CYP11B2: variants seen among roughly 807,000 people sequenced by gnomAD.
CYP11B2 encodes the protein cytochrome P450 family 11 subfamily B member 2, also known as cytochrome P450 11B2, mitochondrial.
In CYP11B2, 38 loss-of-function variants were observed where a neutral mutation model predicts 49.3. The ratio of observed to expected loss-of-function variants is 0.77; its 90% CI spans 0.59 to 1.01. CYP11B2 has a LOEUF of 1.01. Ranked by LOEUF, CYP11B2 falls within the 50% of genes least tolerant of loss-of-function variation. The pLI is 0.00. For synonymous variants in CYP11B2, 290 were observed against 269.3 expected (o/e 1.08, Z -0.75); for missense variants, 669 against 655.5 (o/e 1.02, Z -0.23).
At position 142,916,461 on chromosome 8, in the gene CYP11B2, C is replaced by T. The variant is rs7461740; in HGVS notation, c.395+598G>A. On this transcript the variant is annotated intron_variant, in intron 2 of 8. Coordinates refer to ENST00000323110, the MANE Select transcript of CYP11B2 (RefSeq NM_000498.3). Reference sequence around the variant, plus strand: ...GCCTCTCCCTGCCCACCTGACCAGGCGCCACCCTCTCCACGGGCCAGGAAA... The same window carrying T: ...GCCTCTCCCTGCCCACCTGACCAGGTGCCACCCTCTCCACGGGCCAGGAAA... 2.6e-5 allele frequency: 12 copies of T among 454,804 alleles called. No homozygotes were observed. The East Asian group carries it at 2.8e-4, about 11-fold the overall frequency. 28.2% of individuals were successfully genotyped at this position (454,804 alleles called of 1,614,324 possible). A position where few individuals can be genotyped will look rare whatever the true frequency, so the allele number is the denominator to read the frequency against.
At position 142,914,088 on chromosome 8, in the gene CYP11B2, C is replaced by T. The variant is rs554327052; in HGVS notation, c.954+176G>A. 1.5e-5 allele frequency: 11 copies of T among 751,292 alleles called. No homozygotes were observed. In the East Asian group the frequency reaches 3.0e-4, roughly 20 times the overall value. The allele number at this position is 751,292 out of a possible 1,614,324, so 46.5% of individuals were successfully genotyped here. On this transcript the variant is annotated intron_variant, in intron 5 of 8. Coordinates refer to ENST00000323110, the MANE Select transcript of CYP11B2 (RefSeq NM_000498.3). Reference sequence around the variant, plus strand: ...CTCATGTGAGGGGGAGCTCACATTTCCCCTCCCCTGCAAATCTCATCCCTT... The same window carrying T: ...CTCATGTGAGGGGGAGCTCACATTTTCCCTCCCCTGCAAATCTCATCCCTT...
chr8:142,912,154 T>C, intron 8 of CYP11B2, 61 bp from the exon 9 acceptor site: 1 of 1,610,642 alleles, frequency 6.2e-7, no homozygotes, highest in Non-Finnish European at 8.5e-7. Context: ...TGGGGCAGCT[T>C]CCTCCCATCG....
chr8:142,911,945 G>A lies in CYP11B2; in HGVS notation c.*35C>T, dbSNP rs745496091. 2 of 1,613,776 alleles carry A rather than the reference G, an allele frequency of 1.2e-6. No homozygotes were observed. The highest frequency in any genetic ancestry group is 8.5e-7 in the Non-Finnish European group (1 of 1,179,812). On this transcript the variant is annotated 3_prime_UTR_variant, in exon 9 of 9. Transcript: ENST00000323110. ...CCTGGGGTCAGGCAGAGGGAAGCTG[G>A]TGGCCAGGCTGGGACCCTGGGTGCA...
In CYP11B2 at chr8:142,912,697, C is replaced by G; in HGVS notation, c.1231G>C (p.Gly411Arg). 6.2e-7 allele frequency: 1 copy of G among 1,614,060 alleles called. No individual in the cohort carries two copies. Among genetic ancestry groups the G allele is most frequent in the Non-Finnish European group, 8.5e-7 (1 of 1,179,966 alleles). ...CTCGGGAACAAGGCGGCATTGCGAC[C>G]CAGCGAGTAGAGGAAAACCTGTACC... is the stretch of plus-strand genomic sequence containing the variant. Reference protein sequence around the residue: ...TLVQVFLYSLGRNAALFPRPE... With the variant: ...TLVQVFLYSLRRNAALFPRPE... The change falls in exon 8 of 9, where the codon GGT becomes CGT. Residue 411 changes from glycine to arginine, a missense_variant. Coordinates refer to ENST00000323110, the MANE Select transcript of CYP11B2 (RefSeq NM_000498.3).
Position 142,914,822 on chromosome 8 carries a change from C to A in CYP11B2, c.682G>T (p.Glu228Ter), listed in dbSNP as rs1817612031. The A allele has an allele frequency of 6.2e-7, 1 of 1,613,608 alleles. No homozygotes were observed. Among genetic ancestry groups the A allele is most frequent in the African/African-American group, 1.3e-5 (1 of 74,622 alleles). ...SASLNFLHAL[E>*]VMFKSTVQLM... ...TGGACGGTGGATTTGAACATGACCT[C>A]CAGGGCATGGAGGAAGTTCAGGCTG... The change falls in exon 4 of 9, where the codon GAG (glutamate) becomes TAG (stop). Residue 228 changes from glutamate (E) to a stop codon, truncating the protein, a stop_gained. Coordinates refer to ENST00000323110, the MANE Select transcript of CYP11B2 (RefSeq NM_000498.3). LOFTEE classifies it high-confidence loss of function.
At position 142,914,778 on chromosome 8, in the gene CYP11B2, C is replaced by A. The variant is rs778544381; in HGVS notation, c.726G>T (p.Arg242Ser). Residue 242 changes from arginine to serine, a missense_variant, in exon 4 of 9, where the codon AGG becomes AGT. Arg to Ser is a moderately radical substitution (Grantham distance 110). Coordinates refer to ENST00000323110, the MANE Select transcript of CYP11B2 (RefSeq NM_000498.3). ...KSTVQLMFMPRSLSRWISPKV... is the reference protein window; with the variant it reads ...KSTVQLMFMPSSLSRWISPKV... ...TGGGGCTGATCCAGCGAGACAGGCT[C>A]CTGGGCATGAACATGAGCTGGACGG... 1.9e-6 allele frequency: 3 copies of A among 1,613,590 alleles called. No homozygotes were observed. Among genetic ancestry groups the A allele is most frequent in the South Asian group, 2.2e-5 (2 of 91,004 alleles).
In CYP11B2 at chr8:142,913,311, C is replaced by A; in HGVS notation, c.1095G>T (p.Leu365=). 1 of 1,613,908 alleles carries A rather than the reference C, an allele frequency of 6.2e-7. No individual in the cohort carries two copies. The highest frequency in any genetic ancestry group is 8.5e-7 in the Non-Finnish European group (1 of 1,180,004). Residue 365 remains leucine (L), a synonymous_variant, in exon 6 of 9, where the codon CTG becomes CTT. Coordinates refer to ENST00000323110, the MANE Select transcript of CYP11B2 (RefSeq NM_000498.3). The part of the protein sequence containing the change: ...PQKATTELPL[L]RAALKETLRL... Reference sequence around the variant, plus strand: ...GCAAGGTCTCCTTGAGGGCCGCCCGCAGCAAGGGCAGCTCGGTGGTTGCCT... The same window carrying A: ...GCAAGGTCTCCTTGAGGGCCGCCCGAAGCAAGGGCAGCTCGGTGGTTGCCT...
intron 2 of CYP11B2, chr8:142,916,392 G>C (rs533064206): frequency 5.9e-4 from 270 of 456,456 alleles, no homozygotes; most frequent in African/African-American, 5.0e-3. Context: ...TCCTTCCCCC[G>C]TCCTAATGAC....
intron 2 of CYP11B2, among the ~76,000 whole-genome samples, chr8:142,915,950 G>A (rs1182318351): frequency 4.6e-5 from 7 of 152,278 alleles, no homozygotes; most frequent in Admixed American, 6.5e-5. Context: ...ACATGCACAC[G>A]TGCGCCCATG....
Position 142,915,229 on chromosome 8 carries a change from G to A in CYP11B2, c.412C>T (p.Arg138Cys), listed in dbSNP as rs777780952. The A allele has an allele frequency of 4.6e-5, 74 of 1,613,036 alleles. 1 individual carries two copies. Among genetic ancestry groups the A allele is most frequent in the South Asian group, 4.3e-4 (39 of 90,716 alleles). The change falls in exon 3 of 9, where the codon CGC becomes TGC. Residue 138 changes from arginine to cysteine, a missense_variant. Transcript: ENST00000323110. ...GGGTTCAGCCGCAATCGGTTGAAGC[G>A]CCATTCAGGCCCATTCCTACAGAGG... is the stretch of plus-strand genomic sequence containing the variant. Reference protein sequence around the residue: ...GVFLLNGPEWRFNRLRLNPDV... With the variant: ...GVFLLNGPEWCFNRLRLNPDV...
At chr8:142,915,471 G>C (rs542245353) in intron 2 of CYP11B2, among the ~76,000 whole-genome samples, 1 of 150,342 alleles carries the variant, frequency 6.7e-6, no homozygotes, top group Non-Finnish European at 1.5e-5. Context: ...GGTAGCTTCT[G>C]CCCACAGGTG....
rs1453326175 is a variant in CYP11B2 at position 142,915,169 on chromosome 8, G to C, written c.472C>G (p.Leu158Val). 1.9e-6 allele frequency: 3 copies of C among 1,614,060 alleles called. No individual in the cohort carries two copies. Among genetic ancestry groups the C allele is most frequent in the East Asian group, 4.5e-5 (2 of 44,884 alleles). The change falls in exon 3 of 9, where the codon CTC becomes GTC. Residue 158 changes from leucine to valine, a missense_variant. By Grantham distance (32) the Leu-to-Val change is conservative. Transcript: ENST00000323110. Reference sequence around the variant, plus strand: ...CTGGCCACTGCATCCACCATCGGGAGGAACCTCTGCACGGCCTTGGGCGAC... The same window carrying C: ...CTGGCCACTGCATCCACCATCGGGACGAACCTCTGCACGGCCTTGGGCGAC... The part of the protein sequence containing the change: ...VLSPKAVQRF[L>V]PMVDAVARDF...
rs776680043 is a variant in CYP11B2, at chr8:142,912,663, C to T, written c.1265G>A (p.Arg422Gln). 1.2e-5 allele frequency: 20 copies of T among 1,614,014 alleles called. No individual in the cohort carries two copies. The highest frequency in any genetic ancestry group is 6.7e-5 in the Admixed American group (4 of 60,014). ...GTCTAGCCAGCGCTGGGGATTATAC[C>T]GCTCAGGCCTCGGGAACAAGGCGGC... ...RNAALFPRPE[R>Q]YNPQRWLDIR... is the part of the protein sequence containing the mutation. Residue 422 changes from arginine (R) to glutamine (Q), a missense_variant, in exon 8 of 9, where the codon CGG (arginine) becomes CAG (glutamine). Physicochemically the swap from Arg to Gln is conservative, Grantham distance 43. Transcript: ENST00000323110.
Position 142,914,380 on chromosome 8 carries a change from A to G in CYP11B2, c.838T>C (p.Phe280Leu). The change falls in exon 5 of 9, where the codon TTC becomes CTC. Residue 280 changes from phenylalanine to leucine, a missense_variant. Phe to Leu is a conservative substitution (Grantham distance 22, BLOSUM62 0). Coordinates refer to ENST00000323110, the MANE Select transcript of CYP11B2 (RefSeq NM_000498.3). ...CCTGTGTAGTGTTGAGGGCGGTTGA[A>G]GGCCAGTTCCTGGTAGATTTTCTGG... is the stretch of plus-strand genomic sequence containing the variant. ...CIQKIYQELA[F>L]NRPQHYTGIV... 1 of 1,613,612 alleles carries G rather than the reference A, an allele frequency of 6.2e-7. No individual in the cohort carries two copies. Among genetic ancestry groups the G allele is most frequent in the Non-Finnish European group, 8.5e-7 (1 of 1,179,674 alleles).
chr8:142,912,345 A>G (rs1817550545), intron 8 of CYP11B2, among the ~76,000 whole-genome samples, 185 bp downstream of exon 8: 1 of 152,004 alleles, frequency 6.6e-6, no homozygotes, highest in Admixed American at 6.5e-5. Context: ...AATGTTTAGA[A>G]GCAGCCTCAC....
At chr8:142,912,509 C>A in intron 8 of CYP11B2, 21 bp downstream of exon 8, 1 of 1,604,732 alleles carries the variant, frequency 6.2e-7, no homozygotes, top group South Asian at 1.1e-5. Flanking sequence ...AGGTCCCGCC[C>A]CCGCCCCCAG....
Position 142,912,013 on chromosome 8 carries a change from C to A in CYP11B2, c.1479G>T (p.Thr493=). 2 of 1,613,992 alleles carry A rather than the reference C, an allele frequency of 1.2e-6. No homozygotes were observed. The highest frequency in any genetic ancestry group is 2.2e-5 in the East Asian group (1 of 44,872). The change falls in exon 9 of 9, where the codon ACG becomes ACT. Residue 493 remains threonine, a synonymous_variant. Coordinates refer to ENST00000323110, the MANE Select transcript of CYP11B2 (RefSeq NM_000498.3). ...MVYSFILRPG[T]SPLLTFRAIN ...TCGCTCTGAAAGTGAGGAGGGGGGA[C>A]GTGCCAGGCCTCAATATGAAGCTGT...
At position 142,917,183 on chromosome 8, in the gene CYP11B2, C is replaced by T. The variant is rs1274852664; in HGVS notation, c.271G>A (p.Val91Met). ...TTCTCCACATCCTCCGGCAGCATCA[C>T]ACACACCATGCGTGGTCCTCCCAAG... ...YNLGGPRMVC[V>M]MLPEDVEKLQ... Residue 91 changes from valine to methionine, a missense_variant, in exon 2 of 9, where the codon GTG becomes ATG. Coordinates refer to ENST00000323110, the MANE Select transcript of CYP11B2 (RefSeq NM_000498.3). The T allele has an allele frequency of 1.2e-6, 2 of 1,614,198 alleles. No homozygotes were observed. The highest frequency in any genetic ancestry group is 1.7e-6 in the Non-Finnish European group (2 of 1,180,032).
rs1487276310 is a variant in CYP11B2 at position 142,913,392 on chromosome 8, C to T, written c.1014G>A (p.Gln338=). The T allele has an allele frequency of 6.2e-7, 1 of 1,613,994 alleles. No individual in the cohort carries two copies. Among genetic ancestry groups the T allele is most frequent in the South Asian group, 1.1e-5 (1 of 91,090 alleles). The change falls in exon 6 of 9, where the codon CAG becomes CAA. Residue 338 remains glutamine (Q), a synonymous_variant. Transcript: ENST00000323110. ...FELARNPDVQ[Q]ILRQESLAAA... is the part of the protein sequence containing the mutation. ...CGGCCAGGCTCTCCTGGCGCAGGATCTGCTGCACGTCGGGGTTCCGAGCCA... is the reference window on the plus strand; with the variant it reads ...CGGCCAGGCTCTCCTGGCGCAGGATTTGCTGCACGTCGGGGTTCCGAGCCA...
Sources: allele counts gnomAD v4.1 joint callset (sites outside exome capture counted in the v4.1 genomes callset), GRCh38; gene constraint gnomAD v4.1.1; transcripts MANE v1.5; gene names NCBI Gene and HGNC (gene_info 2026-07-23, HGNC 2026-07-21).